Variants in EPG5 observed in about 807,000 individuals in gnomAD.
EPG5 encodes ectopic P-granules 5 autophagy tethering factor, also known as ectopic P granules protein 5 homolog.
Under a neutral mutation model 302.7 loss-of-function variants are expected in EPG5, and 159 were observed. The observed-to-expected ratio is 0.53, with a 90% CI of 0.46 to 0.60. EPG5 has a LOEUF of 0.60. EPG5 is among the 20% of genes least tolerant of loss of function. EPG5 has a pLI of 0.00. For missense variants in EPG5, 2,896 were observed against 3,092.4 expected, an observed-to-expected ratio of 0.94 and a Z score of 1.51; for synonymous variants, 1,158 against 1,136.8, an observed-to-expected ratio of 1.02 and a Z score of -0.37.
At chr18:45,879,340 G>T in intron 32 of EPG5, 126 bp from the exon 33 acceptor site, 2 of 644,184 alleles carry the variant, frequency 3.1e-6, no homozygotes, top group East Asian at 2.8e-5. Context: ...AAAATATAAA[G>T]CATATGAGAA....
At chr18:45,806,359 G>A in the EPG5 span, among the ~76,000 whole-genome samples, 1 of 152,184 alleles carries the variant, frequency 6.6e-6, no homozygotes, top group African/African-American at 2.4e-5. Flanking sequence ...GGACTAGATT[G>A]CAGTTCTGAC....
the EPG5 span, among the ~76,000 whole-genome samples, chr18:45,836,462 CT>C: frequency 2.0e-5 from 3 of 152,150 alleles, no homozygotes; most frequent in South Asian, 2.1e-4. Context: ...GGCACCACCC[CT>C]GGCCTTATCC....
intron 39 of EPG5, among the ~76,000 whole-genome samples, chr18:45,864,224 T>C (rs529368557): frequency 1.3e-5 from 2 of 152,300 alleles, no homozygotes; most frequent in East Asian, 3.9e-4. Flanking sequence ...GCAATCCTCC[T>C]GCCTCCGCCT....
At chr18:45,939,779 A>G in intron 9 of EPG5, 24 bp from the exon 10 acceptor site, 1 of 1,601,552 alleles carries the variant, frequency 6.2e-7, no homozygotes. Context: ...AAGATAATAC[A>G]GTACTTTTCA....
Position 45,949,503 on chromosome 18 carries a change from C to A in EPG5, c.1478G>T (p.Trp493Leu). Residue 493 changes from tryptophan to leucine, a missense_variant, in exon 5 of 44, where the codon TGG (tryptophan) becomes TTG (leucine). Trp to Leu is a moderately conservative substitution (Grantham distance 61). Transcript: ENST00000282041. The part of the protein sequence containing the change: ...ILRCPAGVSK[W>L]AVPFIQIKVL... ...TCATACCTGGATAAAAGGAACAGCCCATTTACTAACACCAGCGGGGCATCG... is the reference window on the plus strand; with the variant it reads ...TCATACCTGGATAAAAGGAACAGCCAATTTACTAACACCAGCGGGGCATCG... 1.9e-6 allele frequency: 3 copies of A among 1,610,982 alleles called. No homozygotes were observed. Among genetic ancestry groups the A allele is most frequent in the Non-Finnish European group, 2.5e-6 (3 of 1,177,674 alleles).
chr18:45,875,923 G>A (rs747282969), intron 35 of EPG5, among the ~76,000 whole-genome samples: 5 of 151,942 alleles, frequency 3.3e-5, no homozygotes, highest in African/African-American at 1.2e-4. Flanking sequence ...CAGGTGTGGC[G>A]GCATGCGCTT....
At chr18:45,900,030 C>G (rs1481848967) in intron 26 of EPG5, among the ~76,000 whole-genome samples, 1 of 152,178 alleles carries the variant, frequency 6.6e-6, no homozygotes, top group African/African-American at 2.4e-5. Context: ...CATTAATGGG[C>G]AGGTGCTTAT....
the EPG5 span, among the ~76,000 whole-genome samples, chr18:45,832,132 T>A: frequency 3.3e-5 from 5 of 152,246 alleles, no homozygotes. Flanking sequence ...CTAACACATA[T>A]GGAGCATTTG....
At chr18:45,823,900 G>A in the EPG5 span, among the ~76,000 whole-genome samples, 4 of 152,244 alleles carry the variant, frequency 2.6e-5, no homozygotes, top group African/African-American at 4.8e-5. Context: ...GGCGCTCTAG[G>A]TGGTAAGAAT....
At position 45,866,867 on chromosome 18, in the gene EPG5, A is replaced by G. The variant is rs1438800657; in HGVS notation, c.6552T>C (p.Ala2184=). 1 of 1,614,096 alleles carries G rather than the reference A, an allele frequency of 6.2e-7. No individual in the cohort carries two copies. The highest frequency in any genetic ancestry group is 1.3e-5 in the African/African-American group (1 of 74,920). ...PSIILAKESY[A]ELIMKLLKVS... is the part of the protein sequence containing the mutation. ...CTTTTAGGAGCTTCATGATTAATTC[A>G]GCATAAGATTCTTTTGCCAGGATGA... The change falls in exon 38 of 44, where the codon GCT becomes GCC. Residue 2184 remains alanine (A), a synonymous_variant. Coordinates refer to ENST00000282041, the MANE Select transcript of EPG5 (RefSeq NM_020964.3).
chr18:45,824,084 C>A, the EPG5 span, among the ~76,000 whole-genome samples: 2 of 151,906 alleles, frequency 1.3e-5, no homozygotes, highest in Non-Finnish European at 2.9e-5. Flanking sequence ...ACCACAGGTG[C>A]AAAGATGGCT....
At chr18:45,857,703 G>GTTTTTTTTTTTTTTTTTTTTTTTTTTTT in intron 42 of EPG5, 150 bp downstream of exon 42, 1 of 548,142 alleles carries the variant, frequency 1.8e-6, no homozygotes, top group Non-Finnish European at 3.1e-6. Context: ...ATCAGGCTCT[G>GTTTTTTTTTTTTTTTTTTTTTTTTTTTT]TTTTTTTTTT....
chr18:45,934,434 A>C (rs1262432517), intron 11 of EPG5, among the ~76,000 whole-genome samples: 1 of 152,260 alleles, frequency 6.6e-6, no homozygotes, highest in East Asian at 1.9e-4. Flanking sequence ...TTAAAAAAAC[A>C]GCAATAAAAG....
chr18:45,860,459 C>G, intron 39 of EPG5, 113 bp from the exon 40 acceptor site: 1 of 1,358,016 alleles, frequency 7.4e-7, no homozygotes. Flanking sequence ...TTTTACAGTG[C>G]TAGTAGCTGA....
At chr18:45,903,922 A>ATTCAATCAT in intron 25 of EPG5, 51 bp downstream of exon 25, 3 of 1,553,106 alleles carry the variant, frequency 1.9e-6, no homozygotes, top group Non-Finnish European at 2.6e-6. Flanking sequence ...AATGGCTCTG[A>ATTCAATCAT]TTCAATCATT....
Position 45,954,567 on chromosome 18 carries a change from A to C in EPG5, c.835T>G (p.Phe279Val). Residue 279 changes from phenylalanine to valine, a missense_variant, in exon 2 of 44, where the codon TTT (phenylalanine) becomes GTT (valine). By Grantham distance (50) the Phe-to-Val change is conservative. This residue lies in a region of EPG5 where 1,390 missense variants were observed against 1,430.0 expected (regional missense o/e 0.97). Coordinates refer to ENST00000282041, the MANE Select transcript of EPG5 (RefSeq NM_020964.3). Reference sequence around the variant, plus strand: ...CTGTCTTGATGAGCCATGCTGTCAAATTCTTCTAAATATGACTCAACATTT... The same window carrying C: ...CTGTCTTGATGAGCCATGCTGTCAACTTCTTCTAAATATGACTCAACATTT... ...LENVESYLEE[F>V]DSMAHQDRHE... The C allele has an allele frequency of 6.2e-7, 1 of 1,614,242 alleles. No homozygotes were observed. Among genetic ancestry groups the C allele is most frequent in the South Asian group, 1.1e-5 (1 of 91,080 alleles).
At chr18:45,815,587 A>T in the EPG5 span, among the ~76,000 whole-genome samples, 1 of 152,232 alleles carries the variant, frequency 6.6e-6, no homozygotes, top group Non-Finnish European at 1.5e-5. Context: ...CTAACCAAGG[A>T]GGTGAAAGAC....
chr18:45,874,291 C>T (rs2048927512), intron 35 of EPG5, among the ~76,000 whole-genome samples: 1 of 151,700 alleles, frequency 6.6e-6, no homozygotes, highest in African/African-American at 2.4e-5. Flanking sequence ...TTGTACTTTC[C>T]ACTTAATTTT....
chr18:45,892,237 T>C (rs1240292764), intron 27 of EPG5, among the ~76,000 whole-genome samples: 1 of 152,240 alleles, frequency 6.6e-6, no homozygotes, highest in Non-Finnish European at 1.5e-5. Flanking sequence ...TATTATTATT[T>C]TCTAGTCTAC....
Sources: gnomAD v4.1 joint callset for allele counts (sites outside exome capture counted in the v4.1 genomes callset) on GRCh38, gnomAD v4.1.1 for gene constraint, gnomAD v4.1.1 regional missense constraint, MANE v1.5 for transcripts, NCBI Gene and HGNC (gene_info 2026-07-23, HGNC 2026-07-21) for gene names.